Variants in MIAT observed in about 807,000 individuals in gnomAD.
The protein encoded by MIAT is MI related novel mRNA.
intron 2 of MIAT, among the ~76,000 whole-genome samples, chr22:26,652,666 T>C (rs9613236): frequency 9.2e-5 from 14 of 152,244 alleles, no homozygotes; most frequent in South Asian, 2.1e-4. Flanking sequence ...CTCTCTCTCT[T>C]TTTTTAAAGA....
intron 2 of MIAT, among the ~76,000 whole-genome samples, chr22:26,650,829 C>T (rs983244306): frequency 2.0e-5 from 3 of 152,196 alleles, no homozygotes; most frequent in Non-Finnish European, 2.9e-5. Context: ...AGTCTGAGGG[C>T]AGCTTCTGGA....
chr22:26,665,930 G>A (rs1462669743), exon 4 of MIAT: 1 of 398,462 alleles, frequency 2.5e-6, no homozygotes, highest in African/African-American at 2.1e-5. Flanking sequence ...AAGGAGGCTG[G>A]GGACTCCCTG....
intron 3 of MIAT, among the ~76,000 whole-genome samples, chr22:26,664,116 A>C (rs1288821422): frequency 6.7e-6 from 1 of 148,720 alleles, no homozygotes; most frequent in East Asian, 2.0e-4. Flanking sequence ...GGTTCAAGTG[A>C]TTCTCCTGCC....
At chr22:26,655,116 C>G (rs1179414899) in intron 2 of MIAT, among the ~76,000 whole-genome samples, 1 of 152,218 alleles carries the variant, frequency 6.6e-6, no homozygotes, top group African/African-American at 2.4e-5. Context: ...TGCCTTTTCT[C>G]TAACTCTTTC....
At chr22:26,671,939 C>A (rs1931061251), downstream of MIAT, 4 of 398,598 alleles carry the variant, frequency 1.0e-5, no homozygotes, top group Non-Finnish European at 1.3e-5. Context: ...ATCCTTCTGC[C>A]TGGGGCAAGA....
chr22:26,651,075 AG>A (rs1015150643), intron 2 of MIAT, among the ~76,000 whole-genome samples: 7 of 149,714 alleles, frequency 4.7e-5, no homozygotes, highest in African/African-American at 1.7e-4. Context: ...AGGGCCGGGG[AG>A]GGGGTGGCAG....
intron 2 of MIAT, among the ~76,000 whole-genome samples, chr22:26,656,897 A>T (rs1019534629): frequency 6.6e-6 from 1 of 152,316 alleles, no homozygotes; most frequent in African/African-American, 2.4e-5. Flanking sequence ...TGACAGAGTG[A>T]GGTCCCATCT....
At chr22:26,646,563 G>A in exon 1 of MIAT, 1 of 398,680 alleles carries the variant, frequency 2.5e-6, no homozygotes, top group East Asian at 3.6e-5. Context: ...CCAGGATCTG[G>A]ATGCAGATTG....
intron 2 of MIAT, among the ~76,000 whole-genome samples, chr22:26,653,521 AG>A (rs1238842105): frequency 1.3e-5 from 2 of 152,200 alleles, no homozygotes; most frequent in Non-Finnish European, 2.9e-5. Context: ...TCCTGTACGT[AG>A]GCTAGGATAA....
intron 1 of MIAT, chr22:26,647,131 G>A (rs1930247145): frequency 5.0e-6 from 2 of 398,414 alleles, no homozygotes; most frequent in Non-Finnish European, 8.8e-6. Context: ...GAGACCTCAG[G>A]CAAGCCACCT....
At chr22:26,655,777 C>G (rs1930421167) in intron 2 of MIAT, among the ~76,000 whole-genome samples, 1 of 152,174 alleles carries the variant, frequency 6.6e-6, no homozygotes, top group Admixed American at 6.5e-5. Context: ...ACATAGATGT[C>G]TGGGCCTTCC....
At chr22:26,667,158 G>C (rs889679029) in intron 4 of MIAT, 4 of 398,536 alleles carry the variant, frequency 1.0e-5, no homozygotes, top group African/African-American at 8.2e-5. Context: ...AGCTCGAGCA[G>C]AGAATTTAGC....
At chr22:26,669,837 C>A, downstream of MIAT, 1 of 398,828 alleles carries the variant, frequency 2.5e-6, no homozygotes, top group Non-Finnish European at 4.4e-6. Context: ...GAGGCGGAGG[C>A]CCTGGGAGAG....
chr22:26,656,305 G>A (rs908585979), intron 2 of MIAT, among the ~76,000 whole-genome samples: 13 of 145,174 alleles, frequency 9.0e-5, no homozygotes, highest in Admixed American at 7.6e-4. Flanking sequence ...GCCAGCCACC[G>A]TGCCCGGCCT....
rs1930245685 is a variant in MIAT, at chr22:26,647,021, T to G, written n.508+62T>G. On this transcript the variant is annotated intron_variant and non_coding_transcript_variant, in intron 1 of 5. Transcript: ENST00000643270. ...TTTCAAGGTGGGCACTTGAGACATT[T>G]GATTGGCTTTTAAAGGAAAGACTGA... 1.3e-5 allele frequency: 5 copies of G among 398,204 alleles called. No individual in the cohort carries two copies. In the South Asian group the frequency reaches 6.7e-4, roughly 54 times the overall value. 24.7% of individuals were successfully genotyped at this position (398,204 alleles called of 1,614,324 possible). A position where few individuals can be genotyped will look rare whatever the true frequency, so the allele number is the denominator to read the frequency against.
In MIAT at chr22:26,658,037, A is replaced by C. The variant is rs74511025; in HGVS notation, n.647-5279A>C. The C allele has an allele frequency of 8.6e-3, 931 of 108,238 alleles. 11 individuals are homozygous for C. Among genetic ancestry groups the C allele is most frequent in the African/African-American group, 0.032 (890 of 27,870 alleles). The allele number at this position is 108,238 out of a possible 1,614,324, so 6.7% of individuals were successfully genotyped here. The stretch of plus-strand genomic sequence containing the variant: ...TCTCGGTCCACCAGGTTAGCAATTA[A>C]CTGGCCAAGCCACGGGCAGAGCCAG... On this transcript the variant is annotated intron_variant and non_coding_transcript_variant, in intron 2 of 5. Coordinates refer to ENST00000643270, the Ensembl canonical transcript of MIAT.
chr22:26,672,939 G>A, downstream of MIAT: 1 of 398,656 alleles, frequency 2.5e-6, no homozygotes, highest in East Asian at 3.6e-5. Flanking sequence ...AAGTCAGCTA[G>A]AGAGCCGTCT....
At chr22:26,666,364 G>T (rs1475693533) in exon 4 of MIAT, 2 of 398,588 alleles carry the variant, frequency 5.0e-6, no homozygotes, top group Non-Finnish European at 8.8e-6. Context: ...CATCAGGAAA[G>T]GGCAGGGGAG....
At chr22:26,672,249 T>C, downstream of MIAT, 1 of 398,828 alleles carries the variant, frequency 2.5e-6, no homozygotes, top group Non-Finnish European at 4.4e-6. Flanking sequence ...AGCTCTGGGC[T>C]CCCCCCGGGG....
Sources: gnomAD v4.1 joint callset for allele counts (sites outside exome capture counted in the v4.1 genomes callset) on GRCh38, gnomAD v4.1.1 for gene constraint, MANE v1.5 for transcripts, NCBI Gene and HGNC (gene_info 2026-07-23, HGNC 2026-07-21) for gene names.